Variants in CACNA2D3 observed in about 807,000 individuals in gnomAD.
The protein encoded by CACNA2D3 is voltage-dependent calcium channel subunit alpha-2/delta-3.
CACNA2D3 carries 60 observed loss-of-function variants against 160.6 expected under a neutral mutation model. The observed-to-expected ratio is 0.37, with a 90% CI of 0.30 to 0.46. CACNA2D3 has a LOEUF of 0.46. Ranked by LOEUF, CACNA2D3 falls within the 20% of genes least tolerant of loss-of-function variation. The probability of loss-of-function intolerance (pLI) is 1.00; values close to 1 mark genes in which losing one functional copy is unlikely to be tolerated. For synonymous variants in CACNA2D3, 558 were observed against 492.9 expected (o/e 1.13, Z -1.75); for missense variants, 1,205 against 1,365.0 (o/e 0.88, Z 1.85).
intron 4 of CACNA2D3, among the ~76,000 whole-genome samples, chr3:54,439,294 C>T (rs1574200): frequency 0.12 from 17,578 of 148,428 alleles, 1,234 homozygotes; most frequent in South Asian, 0.18. Flanking sequence ...CTCAAGCTAG[C>T]CTACATAAAG....
At chr3:54,659,112 A>G (rs1454391181) in intron 11 of CACNA2D3, among the ~76,000 whole-genome samples, 2 of 152,116 alleles carry the variant, frequency 1.3e-5, no homozygotes, top group Non-Finnish European at 2.9e-5. Context: ...ATCTCCAGCT[A>G]TCTTAGTCAG....
chr3:54,241,534 C>T (rs1399699166), intron 2 of CACNA2D3, among the ~76,000 whole-genome samples: 2 of 152,198 alleles, frequency 1.3e-5, no homozygotes, highest in East Asian at 1.9e-4. Context: ...GGAGCAGAAT[C>T]GGTGCAAACT....
chr3:54,718,152 A>G (rs1173946599), intron 11 of CACNA2D3, among the ~76,000 whole-genome samples: 1 of 152,146 alleles, frequency 6.6e-6, no homozygotes, highest in Non-Finnish European at 1.5e-5. Flanking sequence ...TTTACTGGAT[A>G]TTTAGACTGA....
Position 54,464,555 on chromosome 3 carries a change from C to T in CACNA2D3, c.382-38937C>T, listed in dbSNP as rs190064604. On this transcript the variant is annotated intron_variant, in intron 4 of 37. Coordinates refer to ENST00000474759, the MANE Select transcript of CACNA2D3 (RefSeq NM_018398.3). Reference sequence around the variant, plus strand: ...GCTGTGCTAGCAATCAGCAAGACTCCGTGGGCGTAGGACCCTCCGAGCCAA... The same window carrying T: ...GCTGTGCTAGCAATCAGCAAGACTCTGTGGGCGTAGGACCCTCCGAGCCAA... Among the ~76,000 whole-genome samples the T allele has an allele frequency of 6.3e-3, 961 of 152,280 alleles. 16 individuals are homozygous for T. Among genetic ancestry groups the T allele is most frequent in the African/African-American group, 0.022 (914 of 41,584 alleles).
intron 4 of CACNA2D3, among the ~76,000 whole-genome samples, chr3:54,412,137 A>AATT (rs1242590381): frequency 1.3e-5 from 2 of 152,092 alleles, no homozygotes; most frequent in Non-Finnish European, 2.9e-5. Flanking sequence ...TATTGATCAT[A>AATT]ATGTCTGATA....
chr3:54,627,097 C>G (rs1699136059), intron 9 of CACNA2D3, among the ~76,000 whole-genome samples: 1 of 152,176 alleles, frequency 6.6e-6, no homozygotes, highest in Non-Finnish European at 1.5e-5. Context: ...AGTCTTTATC[C>G]TTGCTCCTTA....
intron 2 of CACNA2D3, among the ~76,000 whole-genome samples, chr3:54,204,857 G>C (rs920167346): frequency 6.9e-6 from 1 of 145,698 alleles, no homozygotes; most frequent in African/African-American, 2.5e-5. Flanking sequence ...ACATGGAAGA[G>C]GAGAAAAAAA....
rs202185568 is a variant in CACNA2D3 at position 54,803,486 on chromosome 3, G to A, written c.1381-13367G>A. ...TGATGGAAGATGAAATGAATGAAGC[G>A]AGAAGGGAAGTTTAGAGAAAAAAGA... On this transcript the variant is annotated intron_variant, in intron 13 of 37. Coordinates refer to ENST00000474759, the MANE Select transcript of CACNA2D3 (RefSeq NM_018398.3). Among the ~76,000 whole-genome samples, 26 of 152,200 alleles carry A rather than the reference G, an allele frequency of 1.7e-4. No individual in the cohort carries two copies. In the East Asian group the frequency reaches 1.9e-3, roughly 11 times the overall value.
chr3:54,808,836 G>C (rs1237765621), intron 13 of CACNA2D3, among the ~76,000 whole-genome samples: 1 of 152,070 alleles, frequency 6.6e-6, no homozygotes, highest in Admixed American at 6.5e-5. Context: ...CTGATACCAG[G>C]TCTGTAGGGT....
chr3:54,731,087 A>G lies in CACNA2D3; in HGVS notation c.1168-21512A>G, dbSNP rs139997690. Among the ~76,000 whole-genome samples the G allele has an allele frequency of 2.5e-3, 380 of 152,304 alleles. 1 individual carries two copies. The highest frequency in any genetic ancestry group is 8.6e-3 in the African/African-American group (359 of 41,558). On this transcript the variant is annotated intron_variant, in intron 11 of 37. Coordinates refer to ENST00000474759, the MANE Select transcript of CACNA2D3 (RefSeq NM_018398.3). ...AAAGTCAACTTGCCAAAAAAAGAAT[A>G]GTCTGAAGGGTCAGTTAGTGATTGA...
chr3:54,969,925 T>C, intron 29 of CACNA2D3, 81 bp downstream of exon 29: 3 of 1,231,588 alleles, frequency 2.4e-6, no homozygotes, highest in Non-Finnish European at 3.5e-6. Context: ...GGAATGCCCT[T>C]ATAAACAAGG....
chr3:54,652,842 G>C (rs1246824583), intron 11 of CACNA2D3, among the ~76,000 whole-genome samples: 1 of 142,698 alleles, frequency 7.0e-6, no homozygotes, highest in Non-Finnish European at 1.5e-5. Context: ...GAGTGTAGTT[G>C]CGTAATCATG....
chr3:54,840,012 C>G (rs925219472), intron 16 of CACNA2D3, among the ~76,000 whole-genome samples: 2 of 152,128 alleles, frequency 1.3e-5, no homozygotes, highest in East Asian at 3.9e-4. Flanking sequence ...AGATAGTGGA[C>G]TTGACTTTTG....
rs115500722 is a variant in CACNA2D3, at chr3:54,525,778, C to T, written c.544+22124C>T. On this transcript the variant is annotated intron_variant, in intron 5 of 37. Transcript: ENST00000474759. ...ATATTTTTTCCTTGTCTTTGGCCTTCAGCTTTTTTTTTTCTATGATGTGTC... is the reference window on the plus strand; with the variant it reads ...ATATTTTTTCCTTGTCTTTGGCCTTTAGCTTTTTTTTTTCTATGATGTGTC... Among the ~76,000 whole-genome samples, 411 of 151,038 alleles carry T rather than the reference C, an allele frequency of 2.7e-3. 3 individuals carry two copies. Among genetic ancestry groups the T allele is most frequent in the African/African-American group, 9.5e-3 (392 of 41,226 alleles).
At chr3:54,482,832 A>C (rs1017892088) in intron 4 of CACNA2D3, among the ~76,000 whole-genome samples, 1 of 152,172 alleles carries the variant, frequency 6.6e-6, no homozygotes, top group African/African-American at 2.4e-5. Context: ...CTACAAGGGG[A>C]AGAGAGAATG....
intron 3 of CACNA2D3, among the ~76,000 whole-genome samples, chr3:54,359,549 C>T (rs1466609559): frequency 6.6e-6 from 1 of 152,170 alleles, no homozygotes; most frequent in Non-Finnish European, 1.5e-5. Flanking sequence ...AAACCAATGT[C>T]TCATATGGGA....
chr3:54,210,475 T>C (rs955538969), intron 2 of CACNA2D3, among the ~76,000 whole-genome samples: 3 of 152,032 alleles, frequency 2.0e-5, no homozygotes, highest in Non-Finnish European at 4.4e-5. Flanking sequence ...AGATAGCTCA[T>C]ACTGGTGTAA....
intron 2 of CACNA2D3, among the ~76,000 whole-genome samples, chr3:54,279,363 C>T (rs951138675): frequency 1.3e-5 from 2 of 152,116 alleles, no homozygotes; most frequent in Admixed American, 6.5e-5. Context: ...GAGGACCAAA[C>T]GGGATGGCCC....
intron 11 of CACNA2D3, among the ~76,000 whole-genome samples, chr3:54,738,092 T>C (rs1701569985): frequency 6.6e-6 from 1 of 152,172 alleles, no homozygotes; most frequent in African/African-American, 2.4e-5. Context: ...ACTAGGATAT[T>C]AGCAGAAGAT....
Sources: gnomAD v4.1 joint callset for allele counts (sites outside exome capture counted in the v4.1 genomes callset) on GRCh38, gnomAD v4.1.1 for gene constraint, MANE v1.5 for transcripts, NCBI Gene and HGNC (gene_info 2026-07-23, HGNC 2026-07-21) for gene names.